OSBPL9: variants seen among roughly 807,000 people sequenced by gnomAD.
OSBPL9 encodes oxysterol-binding protein-related protein 9.
Under a neutral mutation model 106.6 loss-of-function variants are expected in OSBPL9, and 40 were observed. The observed-to-expected ratio is 0.38, with a 90% CI of 0.29 to 0.49. The LOEUF is 0.49. OSBPL9 is among the 20% of genes least tolerant of loss of function. The pLI is 0.97. For synonymous variants in OSBPL9, 269 were observed against 295.4 expected, an observed-to-expected ratio of 0.91 and a Z score of 0.92; for missense variants, 609 against 887.2, an observed-to-expected ratio of 0.69 and a Z score of 3.98.
intron 1 of OSBPL9, among the ~76,000 whole-genome samples, chr1:51,630,275 T>C (rs1645028228): frequency 6.6e-6 from 1 of 151,996 alleles, no homozygotes; most frequent in South Asian, 2.1e-4. Flanking sequence ...CCAGAGAGTC[T>C]CTCCCGGCGC....
intron 2 of OSBPL9, among the ~76,000 whole-genome samples, chr1:51,659,357 A>C (rs1647000447): frequency 6.6e-6 from 1 of 152,118 alleles, no homozygotes; most frequent in African/African-American, 2.4e-5. Context: ...GAAATTGTGA[A>C]ATATTTAAGT....
chr1:51,732,773 C>T (rs115549497), intron 4 of OSBPL9, among the ~76,000 whole-genome samples: 1,814 of 152,262 alleles, frequency 0.012, 37 homozygotes, highest in African/African-American at 0.042. Flanking sequence ...AATGGGTTGC[C>T]GCTCTTATAG....
At chr1:51,768,832 G>C (rs1173814673) in intron 12 of OSBPL9, among the ~76,000 whole-genome samples, 1 of 152,160 alleles carries the variant, frequency 6.6e-6, no homozygotes, top group Non-Finnish European at 1.5e-5. Flanking sequence ...CCAGTACCCT[G>C]TCCCATAATA....
At chr1:51,666,055 C>A (rs999151468) in intron 2 of OSBPL9, among the ~76,000 whole-genome samples, 67 of 152,074 alleles carry the variant, frequency 4.4e-4, no homozygotes, top group Admixed American at 2.6e-3. Context: ...AACATGTTGA[C>A]CAGGCTGGTC....
At chr1:51,654,140 G>A (rs574025740) in intron 2 of OSBPL9, among the ~76,000 whole-genome samples, 1 of 152,240 alleles carries the variant, frequency 6.6e-6, no homozygotes, top group South Asian at 2.1e-4. Context: ...CTGCAAATTG[G>A]CAGCTGGATC....
At chr1:51,685,017 C>T (rs999462641) in intron 3 of OSBPL9, among the ~76,000 whole-genome samples, 1 of 151,080 alleles carries the variant, frequency 6.6e-6, no homozygotes, top group Non-Finnish European at 1.5e-5. Context: ...CTCAAGTTAT[C>T]CTCCTACTTC....
chr1:51,533,834 C>CT, the OSBPL9 span, among the ~76,000 whole-genome samples: 2 of 133,250 alleles, frequency 1.5e-5, no homozygotes, highest in African/African-American at 2.8e-5. Flanking sequence ...TTTGTTTTTT[C>CT]TTTTTTCTTT....
intron 4 of OSBPL9, among the ~76,000 whole-genome samples, chr1:51,736,733 A>G (rs1249519363): frequency 1.3e-5 from 2 of 152,140 alleles, no homozygotes; most frequent in Admixed American, 1.3e-4. Context: ...TAGACTCCAG[A>G]TAGGCTTTCC....
chr1:51,784,062 A>G, intron 18 of OSBPL9, 37 bp downstream of exon 18: 1 of 1,541,994 alleles, frequency 6.5e-7, no homozygotes, highest in Non-Finnish European at 9.0e-7. Flanking sequence ...ACAATGTTAT[A>G]GGAGAATTTT....
the OSBPL9 span, among the ~76,000 whole-genome samples, chr1:51,542,978 A>G: frequency 6.6e-6 from 1 of 152,358 alleles, no homozygotes. Flanking sequence ...GATATACACT[A>G]TCTTTCAGTA....
chr1:51,597,732 T>C (rs920467955), intron 1 of OSBPL9, among the ~76,000 whole-genome samples: 2 of 152,138 alleles, frequency 1.3e-5, no homozygotes, highest in Non-Finnish European at 2.9e-5. Context: ...AGGAAAACAA[T>C]GACTGGCTCT....
chr1:51,553,718 T>C, the OSBPL9 span, among the ~76,000 whole-genome samples: 1 of 152,088 alleles, frequency 6.6e-6, no homozygotes, highest in African/African-American at 2.4e-5. Flanking sequence ...TTCACTCTTG[T>C]TGCCAGGCTG....
chr1:51,746,231 C>T (rs932294128), intron 5 of OSBPL9, among the ~76,000 whole-genome samples: 25 of 152,088 alleles, frequency 1.6e-4, no homozygotes, highest in Admixed American at 4.6e-4. Flanking sequence ...TGTGAGTCAC[C>T]GTGCCCTGCC....
At chr1:51,776,964 C>T (rs1675222610) in intron 15 of OSBPL9, 46 bp downstream of exon 15, 2 of 1,402,332 alleles carry the variant, frequency 1.4e-6, no homozygotes, top group African/African-American at 2.8e-5. Context: ...AGATGTTACT[C>T]AGCAGCTTTC....
chr1:51,722,768 G>T (rs539150434), intron 4 of OSBPL9, among the ~76,000 whole-genome samples: 1 of 152,312 alleles, frequency 6.6e-6, no homozygotes, highest in African/African-American at 2.4e-5. Context: ...ATACATGCTT[G>T]GTGGTGTATT....
the OSBPL9 span, among the ~76,000 whole-genome samples, chr1:51,533,621 G>A: frequency 6.6e-6 from 1 of 151,996 alleles, no homozygotes. Flanking sequence ...AAAGCAGGTG[G>A]CATTTGAATC....
Position 51,669,669 on chromosome 1 carries a change from C to T in OSBPL9, c.241+157C>T, listed in dbSNP as rs777924299. 8.1e-5 allele frequency: 58 copies of T among 718,594 alleles called. 1 individual carries two copies. The Middle Eastern group carries it at 1.4e-3, about 17-fold the overall frequency. 44.5% of individuals were successfully genotyped at this position (718,594 alleles called of 1,614,324 possible). ...GGATGAAGTGGTACTGCAGGTTAGG[C>T]AGGGATTTGTATCTGCAATGGATGT... On this transcript the variant is annotated intron_variant, in intron 3 of 23. Transcript: ENST00000428468.
chr1:51,730,844 G>A (rs1397772851), intron 4 of OSBPL9, among the ~76,000 whole-genome samples: 1 of 152,112 alleles, frequency 6.6e-6, no homozygotes, highest in Non-Finnish European at 1.5e-5. Context: ...GTTTCTCAGT[G>A]GAGAAGCTGG....
chr1:51,612,911 C>T (rs1643998422), upstream of OSBPL9, among the ~76,000 whole-genome samples: 1 of 152,176 alleles, frequency 6.6e-6, no homozygotes, highest in Non-Finnish European at 1.5e-5. Flanking sequence ...CTGCTGTTTA[C>T]TAGTTGTGTG....
Sources: gnomAD v4.1 joint callset for allele counts (sites outside exome capture counted in the v4.1 genomes callset) on GRCh38, gnomAD v4.1.1 for gene constraint, MANE v1.5 for transcripts, NCBI Gene and HGNC (gene_info 2026-07-23, HGNC 2026-07-21) for gene names.